ZNF407: variants seen among roughly 807,000 people sequenced by gnomAD.
ZNF407 encodes zinc finger protein 407.
ZNF407 carries 17 observed loss-of-function variants against 131.2 expected under a neutral mutation model. That is an observed-to-expected ratio of 0.13 (90% CI 0.09 to 0.19). The LOEUF is 0.19. Among genes scored for constraint, ZNF407 ranks in the 10% least tolerant of loss-of-function variants. The pLI is 1.00. For synonymous variants in ZNF407, 1,156 were observed against 1,062.0 expected (o/e 1.09, Z -1.72); for missense variants, 2,681 against 2,830.6 (o/e 0.95, Z 1.20).
intron 3 of ZNF407, among the ~76,000 whole-genome samples, chr18:74,664,066 G>A (rs892433374): frequency 9.2e-5 from 14 of 152,240 alleles, no homozygotes; most frequent in Admixed American, 2.6e-4. Flanking sequence ...GGTGCAGCTC[G>A]CCATTCCCAG....
At chr18:74,643,704 G>C (rs1050917288) in intron 3 of ZNF407, among the ~76,000 whole-genome samples, 6 of 152,062 alleles carry the variant, frequency 3.9e-5, no homozygotes, top group African/African-American at 1.4e-4. Context: ...TAATGTCTCA[G>C]ATTATTTGTA....
intron 3 of ZNF407, among the ~76,000 whole-genome samples, chr18:74,679,817 C>T (rs923024796): frequency 1.4e-4 from 21 of 152,198 alleles, no homozygotes; most frequent in African/African-American, 4.6e-4. Context: ...CCCACTCTAA[C>T]CCCACAGTTG....
intron 8 of ZNF407, among the ~76,000 whole-genome samples, chr18:75,047,845 C>T (rs1973453208): frequency 6.6e-6 from 1 of 152,256 alleles, no homozygotes; most frequent in South Asian, 2.1e-4. Flanking sequence ...TCGGTACTGT[C>T]ATTCTGATTG....
intron 8 of ZNF407, among the ~76,000 whole-genome samples, chr18:74,980,979 C>T (rs4076325): frequency 0.17 from 25,174 of 152,146 alleles, 2,299 homozygotes; most frequent in Admixed American, 0.28. Flanking sequence ...GGTATCACAT[C>T]AATGTTGCTA....
At chr18:74,771,372 G>C (rs999885741) in intron 3 of ZNF407, among the ~76,000 whole-genome samples, 1 of 151,950 alleles carries the variant, frequency 6.6e-6, no homozygotes, top group Non-Finnish European at 1.5e-5. Context: ...TTGAACTGCA[G>C]GTTTTTCCGT....
chr18:74,632,092 A>T lies in ZNF407; in HGVS notation c.1073A>T (p.Glu358Val). The change falls in exon 2 of 9, where the codon GAA becomes GTA. Residue 358 changes from glutamate (E) to valine (V), a missense_variant. Physicochemically the swap from Glu to Val is moderately radical, Grantham distance 121. This residue lies in a region of ZNF407 where 1,789 missense variants were observed against 1,748.7 expected (regional missense o/e 1.02). Coordinates refer to ENST00000299687, the MANE Select transcript of ZNF407 (RefSeq NM_017757.3). ...MMPSRNTLSQ[E>V]VEIVEEHVTS... ...CCTTCCAGAAATACTTTGTCACAGG[A>T]AGTAGAGATTGTTGAAGAACATGTT... 6.2e-6 allele frequency: 10 copies of T among 1,613,930 alleles called. No individual in the cohort carries two copies. Among genetic ancestry groups the T allele is most frequent in the Non-Finnish European group, 7.6e-6 (9 of 1,179,884 alleles).
At chr18:75,045,098 GGGTGTGTGTGCTT>G in intron 8 of ZNF407, among the ~76,000 whole-genome samples, 2 of 150,828 alleles carry the variant, frequency 1.3e-5, no homozygotes, top group African/African-American at 4.9e-5. Context: ...GGTGTGGGTG[GGGTGTGTGTGCTT>G]GGGTGTGGGG....
At chr18:75,046,470 G>T in intron 8 of ZNF407, among the ~76,000 whole-genome samples, 1 of 152,172 alleles carries the variant, frequency 6.6e-6, no homozygotes, top group East Asian at 1.9e-4. Context: ...AGCCAACGCT[G>T]CTTCACTTTT....
At chr18:74,680,050 A>C (rs891469490) in intron 3 of ZNF407, among the ~76,000 whole-genome samples, 27 of 152,148 alleles carry the variant, frequency 1.8e-4, no homozygotes, top group Admixed American at 6.5e-5. Flanking sequence ...TTTCAGACAA[A>C]CCATTCAGCA....
rs368651423 is a variant in ZNF407, at chr18:74,606,237, G to GA, written c.-54+8307dup. On this transcript the variant is annotated intron_variant, in intron 1 of 8. Transcript: ENST00000299687. ...AATAAAATTTGGAAATCTGCTATGTGAAAAAAATGCAGCAATTGATTTGTA... is the reference window on the plus strand; with the variant it reads ...AATAAAATTTGGAAATCTGCTATGTGAAAAAAAATGCAGCAATTGATTTGTA... 3.5e-3 allele frequency among the ~76,000 whole-genome samples: 533 copies of GA among 152,124 alleles called. 6 individuals are homozygous for GA. Among genetic ancestry groups the GA allele is most frequent in the African/African-American group, 0.011 (473 of 41,502 alleles).
chr18:74,832,040 T>G (rs1212422703), intron 4 of ZNF407, among the ~76,000 whole-genome samples: 1 of 152,212 alleles, frequency 6.6e-6, no homozygotes, highest in Non-Finnish European at 1.5e-5. Flanking sequence ...AATACTTCAC[T>G]TCTCTTGGCT....
chr18:75,051,094 G>C (rs112548610), intron 8 of ZNF407, among the ~76,000 whole-genome samples: 2 of 152,110 alleles, frequency 1.3e-5, no homozygotes. Flanking sequence ...ATGAGCACAC[G>C]TATGGATAAT....
At chr18:74,861,434 C>T (rs1970936106) in intron 4 of ZNF407, among the ~76,000 whole-genome samples, 2 of 152,214 alleles carry the variant, frequency 1.3e-5, no homozygotes, top group Non-Finnish European at 2.9e-5. Flanking sequence ...GTGCTGCAGA[C>T]AGAAGGCCCA....
intron 3 of ZNF407, among the ~76,000 whole-genome samples, chr18:74,671,651 A>G (rs891798547): frequency 6.6e-6 from 1 of 152,198 alleles, no homozygotes; most frequent in Non-Finnish European, 1.5e-5. Flanking sequence ...TGCTAAGGAT[A>G]ATAGCCTCCA....
intron 3 of ZNF407, among the ~76,000 whole-genome samples, chr18:74,679,785 G>A (rs1044186255): frequency 1.7e-4 from 26 of 152,114 alleles, no homozygotes; most frequent in Non-Finnish European, 1.0e-4. Flanking sequence ...ATGATCTTGT[G>A]AATACTTGAA....
chr18:74,906,707 A>G (rs1424859175), intron 7 of ZNF407, among the ~76,000 whole-genome samples: 1 of 152,096 alleles, frequency 6.6e-6, no homozygotes, highest in Non-Finnish European at 1.5e-5. Flanking sequence ...TATACATTTT[A>G]TCTGTATATG....
rs1238744183 is a variant in ZNF407, at chr18:74,632,673, G to A, written c.1654G>A (p.Ala552Thr). 6.2e-7 allele frequency: 1 copy of A among 1,614,050 alleles called. No homozygotes were observed. Among genetic ancestry groups the A allele is most frequent in the Non-Finnish European group, 8.5e-7 (1 of 1,179,896 alleles). ...DLEIHVKRCHAREMKFYCRTC... is the reference protein window; with the variant it reads ...DLEIHVKRCHTREMKFYCRTC... ...GGAAATCCATGTGAAAAGGTGCCAT[G>A]CCAGAGAGATGAAATTTTACTGCCG... The change falls in exon 2 of 9, where the codon GCC becomes ACC. Residue 552 changes from alanine (A) to threonine (T), a missense_variant. By Grantham distance (58) the Ala-to-Thr change is moderately conservative. Coordinates refer to ENST00000299687, the MANE Select transcript of ZNF407 (RefSeq NM_017757.3).
At chr18:74,774,611 A>T (rs1157443847) in intron 3 of ZNF407, among the ~76,000 whole-genome samples, 2 of 152,228 alleles carry the variant, frequency 1.3e-5, no homozygotes, top group Non-Finnish European at 2.9e-5. Context: ...AAACAATCAG[A>T]CATACCATAT....
intron 8 of ZNF407, among the ~76,000 whole-genome samples, chr18:74,986,668 A>C (rs1180709579): frequency 1.3e-5 from 2 of 152,204 alleles, no homozygotes; most frequent in Non-Finnish European, 2.9e-5. Flanking sequence ...GGAAACATGC[A>C]ATCATATTAT....
Sources: allele counts gnomAD v4.1 joint callset (sites outside exome capture counted in the v4.1 genomes callset), GRCh38; gene constraint gnomAD v4.1.1; regional missense constraint gnomAD v4.1.1; transcripts MANE v1.5; gene names NCBI Gene and HGNC (gene_info 2026-07-23, HGNC 2026-07-21).